Variants in FAM20B observed in about 807,000 individuals in gnomAD.
FAM20B encodes the protein FAM20B glycosaminoglycan xylosylkinase, also known as glycosaminoglycan xylosylkinase.
Under a neutral mutation model 43.8 loss-of-function variants are expected in FAM20B, and 23 were observed. The ratio of observed to expected loss-of-function variants is 0.53; its 90% CI spans 0.38 to 0.74. FAM20B has a LOEUF of 0.74. FAM20B is among the 30% of genes least tolerant of loss of function. FAM20B has a pLI of 0.00. For missense variants in FAM20B, 440 were observed against 510.5 expected, an observed-to-expected ratio of 0.86 and a Z score of 1.33; for synonymous variants, 178 against 192.4, an observed-to-expected ratio of 0.93 and a Z score of 0.62.
chr1:179,019,421 T>C, the FAM20B span, among the ~76,000 whole-genome samples: 1 of 151,744 alleles, frequency 6.6e-6, no homozygotes, highest in African/African-American at 2.4e-5. Flanking sequence ...TCACATTAAG[T>C]GAGACCCTTT....
upstream of FAM20B, among the ~76,000 whole-genome samples, chr1:179,021,883 A>G (rs1439594137): frequency 2.0e-5 from 3 of 152,186 alleles, no homozygotes; most frequent in South Asian, 2.1e-4. Flanking sequence ...ATCTCAATAA[A>G]GCTTTTCTTA....
intron 4 of FAM20B, among the ~76,000 whole-genome samples, chr1:179,057,424 A>C (rs1287964269): frequency 2.0e-5 from 3 of 152,248 alleles, no homozygotes; most frequent in African/African-American, 4.8e-5. Flanking sequence ...ATTATTAAGT[A>C]AGTTGGCCTA....
chr1:179,038,046 A>G (rs569828349), intron 1 of FAM20B, among the ~76,000 whole-genome samples: 2 of 152,326 alleles, frequency 1.3e-5, no homozygotes, highest in Admixed American at 1.3e-4. Context: ...AAATGTTTGG[A>G]TGTGATATAT....
chr1:179,039,017 C>T (rs1251003691), intron 1 of FAM20B, among the ~76,000 whole-genome samples: 7 of 152,156 alleles, frequency 4.6e-5, no homozygotes, highest in Non-Finnish European at 1.0e-4. Context: ...TGATTGTTTC[C>T]AGTTGTTATT....
chr1:179,055,550 ATTGTATCAGATAT>A (rs796908018), intron 4 of FAM20B, among the ~76,000 whole-genome samples: 19 of 152,306 alleles, frequency 1.2e-4, no homozygotes, highest in African/African-American at 4.3e-4. Flanking sequence ...AATGTTAGAT[ATTGTATCAGATAT>A]TTGTTTCAGA....
rs1396297882 is a variant in FAM20B, at chr1:179,073,869, AG to A, written c.*1727del. The stretch of plus-strand genomic sequence containing the variant: ...TAGTTGCAGTAAAACACAGGGGCAA[AG>A]GAAGACAGGCCTGATGTGCCCACTC... On this transcript the variant is annotated 3_prime_UTR_variant, in exon 8 of 8. Transcript: ENST00000263733. 1.3e-5 allele frequency: 2 copies of A among 152,224 alleles called. No individual in the cohort carries two copies. The highest frequency in any genetic ancestry group is 4.8e-5 in the African/African-American group (2 of 41,440). 9.4% of individuals were successfully genotyped at this position (152,224 alleles called of 1,614,324 possible). A position where few individuals can be genotyped will look rare whatever the true frequency, so the allele number is the denominator to read the frequency against.
intron 7 of FAM20B, among the ~76,000 whole-genome samples, chr1:179,069,678 G>A (rs1322670963): frequency 6.6e-6 from 1 of 151,866 alleles, no homozygotes; most frequent in Non-Finnish European, 1.5e-5. Context: ...GGCCAGCAGA[G>A]CATATTTTGA....
chr1:179,064,114 A>G lies in FAM20B; in HGVS notation c.746+16A>G. 3 of 1,597,892 alleles carry G rather than the reference A, an allele frequency of 1.9e-6. No individual in the cohort carries two copies. The highest frequency in any genetic ancestry group is 2.6e-6 in the Non-Finnish European group (3 of 1,169,684). ...AATTGGCCAGGTAAATGCTCCTATG[A>G]GCCATTACTTAATTCTCCCCTGTGC... On this transcript the variant is annotated intron_variant, in intron 5 of 7. Transcript: ENST00000263733.
intron 1 of FAM20B, chr1:179,035,458 T>C (rs975342783): frequency 4.2e-6 from 3 of 706,774 alleles, no homozygotes; most frequent in Admixed American, 1.8e-5. Context: ...CACAAACAGC[T>C]TGGGAAGCAC....
upstream of FAM20B, among the ~76,000 whole-genome samples, chr1:179,022,577 C>A (rs747748574): frequency 1.3e-5 from 2 of 152,152 alleles, no homozygotes; most frequent in Admixed American, 6.5e-5. Flanking sequence ...TAGGGCTTGA[C>A]AAATTGGCAG....
chr1:179,039,207 G>A (rs1432331593), intron 1 of FAM20B, among the ~76,000 whole-genome samples: 1 of 152,200 alleles, frequency 6.6e-6, no homozygotes, highest in Admixed American at 6.5e-5. Context: ...CTGTCTGCAG[G>A]CATAGAGCAG....
At chr1:179,036,954 A>G (rs941729257) in intron 1 of FAM20B, among the ~76,000 whole-genome samples, 3 of 152,320 alleles carry the variant, frequency 2.0e-5, no homozygotes. Flanking sequence ...TTGAGGGACT[A>G]CAGTGTAAGG....
Position 179,064,516 on chromosome 1 carries a change from C to T in FAM20B, c.938+20C>T. ...CAAAAGGTGAGACCAGCAGGACTGT[C>T]CTTGTCAGGGAGGGGTTTCTGTATA... On this transcript the variant is annotated intron_variant, in intron 6 of 7. Coordinates refer to ENST00000263733, the MANE Select transcript of FAM20B (RefSeq NM_014864.4). 1.9e-6 allele frequency: 3 copies of T among 1,587,134 alleles called. No homozygotes were observed. Among genetic ancestry groups the T allele is most frequent in the Non-Finnish European group, 1.7e-6 (2 of 1,159,114 alleles).
chr1:179,043,878 G>A lies in FAM20B; in HGVS notation c.31G>A (p.Ala11Thr), dbSNP rs763729864. The A allele has an allele frequency of 6.2e-7, 1 of 1,607,630 alleles. No homozygotes were observed. Among genetic ancestry groups the A allele is most frequent in the Non-Finnish European group, 8.5e-7 (1 of 1,174,512 alleles). Residue 11 changes from alanine (A) to threonine (T), a missense_variant, in exon 2 of 8, where the codon GCA becomes ACA. Transcript: ENST00000263733. MKLKQRVVLL[A>T]ILLVIFIFTK... ...GCTAAAGCAGCGAGTCGTGCTGTTAGCAATTCTCCTTGTCATTTTTATCTT... is the reference window on the plus strand; with the variant it reads ...GCTAAAGCAGCGAGTCGTGCTGTTAACAATTCTCCTTGTCATTTTTATCTT...
chr1:179,039,430 C>A (rs1202615844), intron 1 of FAM20B, among the ~76,000 whole-genome samples: 1 of 152,218 alleles, frequency 6.6e-6, no homozygotes, highest in Non-Finnish European at 1.5e-5. Flanking sequence ...ATATGCTTGA[C>A]CATTCCAGAC....
At chr1:179,064,586 T>C (rs1651614598) in intron 6 of FAM20B, 90 bp downstream of exon 6, 1 of 1,025,326 alleles carries the variant, frequency 9.8e-7, no homozygotes, top group Non-Finnish European at 1.4e-6. Flanking sequence ...ATATCCAGAA[T>C]GCAATTGATA....
intron 4 of FAM20B, among the ~76,000 whole-genome samples, chr1:179,059,309 G>A (rs963183416): frequency 1.3e-5 from 2 of 152,194 alleles, no homozygotes; most frequent in Non-Finnish European, 2.9e-5. Flanking sequence ...AGCTGGCATC[G>A]ATTGGTGTCT....
At chr1:179,056,052 G>A (rs576107659) in intron 4 of FAM20B, among the ~76,000 whole-genome samples, 8 of 152,222 alleles carry the variant, frequency 5.3e-5, no homozygotes, top group South Asian at 2.1e-4. Flanking sequence ...ACCGCTGCCC[G>A]TCACATGCAT....
At chr1:179,066,147 T>C (rs1471904665) in intron 6 of FAM20B, among the ~76,000 whole-genome samples, 3 of 152,160 alleles carry the variant, frequency 2.0e-5, no homozygotes, top group Non-Finnish European at 4.4e-5. Context: ...ACCTACACTG[T>C]ACTAAGGGCT....
Sources: allele counts gnomAD v4.1 joint callset (sites outside exome capture counted in the v4.1 genomes callset), GRCh38; gene constraint gnomAD v4.1.1; transcripts MANE v1.5; gene names NCBI Gene and HGNC (gene_info 2026-07-23, HGNC 2026-07-21).